GPR158: variants seen among roughly 807,000 people sequenced by gnomAD.
The protein encoded by GPR158 is G protein-coupled receptor 158.
GPR158 carries 30 observed loss-of-function variants against 78.2 expected under a neutral mutation model. The ratio of observed to expected loss-of-function variants is 0.38; its 90% CI spans 0.29 to 0.52. The LOEUF (loss-of-function observed/expected upper bound fraction) is 0.52. Ranked by LOEUF, GPR158 falls within the 20% of genes least tolerant of loss-of-function variation. GPR158 has a pLI of 0.83. For synonymous variants in GPR158, 581 were observed against 591.1 expected (o/e 0.98, Z 0.25); for missense variants, 1,463 against 1,523.5 (o/e 0.96, Z 0.66).
At chr10:25,247,951 A>G (rs1266401581) in intron 2 of GPR158, among the ~76,000 whole-genome samples, 2 of 149,470 alleles carry the variant, frequency 1.3e-5, no homozygotes, top group Non-Finnish European at 3.0e-5. Context: ...AAGTGTTCCT[A>G]TTTCTCCACA....
At position 25,598,500 on chromosome 10, in the gene GPR158, C is replaced by G. The variant is rs140079238; in HGVS notation, c.2874C>G (p.Pro958=). 17 of 1,613,932 alleles carry G rather than the reference C, an allele frequency of 1.1e-5. No individual in the cohort carries two copies. In the Admixed American group the frequency reaches 1.7e-4, roughly 16 times the overall value. The change falls in exon 11 of 11, where the codon CCC becomes CCG. Residue 958 remains proline, a synonymous_variant. Transcript: ENST00000376351. ...SDNTETKDPA[P]QNSNPAEEPR... ...ACACAGAGACTAAAGATCCTGCCCC[C>G]CAAAACTCAAATCCTGCGGAGGAGC...
chr10:25,254,060 C>T (rs1478790466), intron 2 of GPR158, among the ~76,000 whole-genome samples: 1 of 152,112 alleles, frequency 6.6e-6, no homozygotes, highest in Non-Finnish European at 1.5e-5. Flanking sequence ...ATACAATTCC[C>T]TTATGGATCA....
At chr10:25,525,105 A>AAGAT (rs1175909452) in intron 5 of GPR158, among the ~76,000 whole-genome samples, 2 of 152,204 alleles carry the variant, frequency 1.3e-5, no homozygotes, top group African/African-American at 4.8e-5. Context: ...TGTAATAAAA[A>AAGAT]AGATAGATAA....
intron 4 of GPR158, among the ~76,000 whole-genome samples, chr10:25,425,934 T>G (rs1834814177): frequency 6.6e-6 from 1 of 152,170 alleles, no homozygotes; most frequent in Admixed American, 6.6e-5. Flanking sequence ...AGCTGCTGTT[T>G]CCTATCTACA....
chr10:25,413,119 G>A (rs1208853432), intron 4 of GPR158, among the ~76,000 whole-genome samples: 1 of 152,038 alleles, frequency 6.6e-6, no homozygotes, highest in Admixed American at 6.5e-5. Context: ...CCAGGAGTTT[G>A]AGACCAGCCT....
At chr10:25,443,223 C>G (rs1210757733) in intron 4 of GPR158, among the ~76,000 whole-genome samples, 1 of 152,086 alleles carries the variant, frequency 6.6e-6, no homozygotes, top group Non-Finnish European at 1.5e-5. Context: ...GTAGCTGAGA[C>G]TATAGGCAGG....
At chr10:25,446,081 T>A (rs1835135318) in intron 4 of GPR158, among the ~76,000 whole-genome samples, 1 of 152,106 alleles carries the variant, frequency 6.6e-6, no homozygotes, top group Non-Finnish European at 1.5e-5. Context: ...CAGACTCCTA[T>A]CATGTATCAC....
At chr10:25,435,208 G>T (rs905980205) in intron 4 of GPR158, among the ~76,000 whole-genome samples, 9 of 152,152 alleles carry the variant, frequency 5.9e-5, no homozygotes, top group Non-Finnish European at 1.3e-4. Context: ...GTGATCCTAT[G>T]GGTAGAGTTC....
chr10:25,200,863 G>GTTTTTTT (rs1209435056), intron 1 of GPR158, among the ~76,000 whole-genome samples: 39 of 84,462 alleles, frequency 4.6e-4, no homozygotes, highest in South Asian at 1.8e-3. Flanking sequence ...TCTGTTTTTT[G>GTTTTTTT]TTTTGTTTTT....
intron 4 of GPR158, among the ~76,000 whole-genome samples, chr10:25,457,912 A>G (rs955290298): frequency 6.6e-6 from 1 of 152,252 alleles, no homozygotes; most frequent in Non-Finnish European, 1.5e-5. Context: ...CAAGCATCTC[A>G]TGTAAATTTT....
intron 2 of GPR158, among the ~76,000 whole-genome samples, chr10:25,381,442 T>G (rs1834154376): frequency 6.6e-6 from 1 of 152,116 alleles, no homozygotes. Context: ...ATTATTATGG[T>G]TTTTAATATG....
At chr10:25,370,633 A>G (rs77993566) in intron 2 of GPR158, among the ~76,000 whole-genome samples, 23,068 of 147,544 alleles carry the variant, frequency 0.16, 2,074 homozygotes, top group African/African-American at 0.24. Context: ...GCTGAAAAAA[A>G]TGTATATTCT....
chr10:25,504,431 A>C (rs1835984073), intron 5 of GPR158, among the ~76,000 whole-genome samples: 1 of 151,902 alleles, frequency 6.6e-6, no homozygotes, highest in Non-Finnish European at 1.5e-5. Flanking sequence ...ACAAGAATTG[A>C]CTCTAATCTC....
At chr10:25,454,276 T>TACTGAATTCATTTATTCTTGAGGAAA (rs1336893163) in intron 4 of GPR158, among the ~76,000 whole-genome samples, 1 of 12,448 alleles carries the variant, frequency 8.0e-5, no homozygotes, top group Non-Finnish European at 1.3e-4. Flanking sequence ...TGTATACATT[T>TACTGAATTCATTTATTCTTGAGGAAA]TGTATGTTGA....
intron 2 of GPR158, among the ~76,000 whole-genome samples, chr10:25,355,290 A>T (rs1350755860): frequency 1.3e-5 from 2 of 152,028 alleles, no homozygotes; most frequent in Non-Finnish European, 2.9e-5. Flanking sequence ...CATCTGCATG[A>T]ACTATTCTGC....
chr10:25,200,611 C>T (rs1852909429), intron 1 of GPR158, among the ~76,000 whole-genome samples: 1 of 152,208 alleles, frequency 6.6e-6, no homozygotes, highest in Admixed American at 6.5e-5. Context: ...CCTGGGTCAT[C>T]TTCCAGGGTT....
intron 1 of GPR158, among the ~76,000 whole-genome samples, chr10:25,219,864 T>G (rs575279202): frequency 6.6e-6 from 1 of 152,320 alleles, no homozygotes; most frequent in African/African-American, 2.4e-5. Context: ...ATTCCTGTTT[T>G]GAGAGGTGAT....
chr10:25,256,504 T>C (rs1241199980), intron 2 of GPR158, among the ~76,000 whole-genome samples: 1 of 151,928 alleles, frequency 6.6e-6, no homozygotes, highest in Non-Finnish European at 1.5e-5. Flanking sequence ...ACAATTTTTT[T>C]TTTAATTAGC....
chr10:25,459,856 A>G (rs904671244), intron 4 of GPR158, among the ~76,000 whole-genome samples: 1 of 152,204 alleles, frequency 6.6e-6, no homozygotes, highest in African/African-American at 2.4e-5. Flanking sequence ...TATGGGTTTG[A>G]TATCTGGCTG....
Sources: gnomAD v4.1 joint callset for allele counts (sites outside exome capture counted in the v4.1 genomes callset) on GRCh38, gnomAD v4.1.1 for gene constraint, MANE v1.5 for transcripts, NCBI Gene and HGNC (gene_info 2026-07-23, HGNC 2026-07-21) for gene names.